EPHA3: variants seen among roughly 807,000 people sequenced by gnomAD.
EPHA3 encodes ephrin type-A receptor 3.
In EPHA3, 42 loss-of-function variants were observed where a neutral mutation model predicts 107.1. The ratio of observed to expected loss-of-function variants is 0.39; its 90% CI spans 0.31 to 0.51. The LOEUF is 0.51. Ranked by LOEUF, EPHA3 falls within the 20% of genes least tolerant of loss-of-function variation. The pLI, the probability that EPHA3 is intolerant of heterozygous loss-of-function variation, is 0.78. For missense variants in EPHA3, 1,183 were observed against 1,211.2 expected (o/e 0.98, Z 0.35); for synonymous variants, 461 against 424.8 (o/e 1.09, Z -1.05).
At chr3:89,415,332 A>AATT (rs1294725614) in intron 10 of EPHA3, among the ~76,000 whole-genome samples, 1 of 150,546 alleles carries the variant, frequency 6.6e-6, no homozygotes, top group Non-Finnish European at 1.5e-5. Context: ...CTACATTCTT[A>AATT]ATCTTAAAAA....
chr3:89,288,080 T>C (rs1292664209), intron 3 of EPHA3, among the ~76,000 whole-genome samples: 2 of 152,194 alleles, frequency 1.3e-5, no homozygotes, highest in South Asian at 2.1e-4. Context: ...TGCTTTCTGA[T>C]AAAAGATGAT....
intron 3 of EPHA3, among the ~76,000 whole-genome samples, chr3:89,298,168 A>G (rs1222054755): frequency 6.6e-6 from 1 of 152,136 alleles, no homozygotes; most frequent in South Asian, 2.1e-4. Flanking sequence ...CCTCTACTAC[A>G]TTTGGATAGT....
chr3:89,140,106 G>T lies in EPHA3; in HGVS notation c.153+12833G>T, dbSNP rs534051393. On this transcript the variant is annotated intron_variant, in intron 2 of 16. Transcript: ENST00000336596. Reference sequence around the variant, plus strand: ...TCATCACAACTTGATTTATGATCCAGAGACTGAGCTGTCACTTGACGACTA... The same window carrying T: ...TCATCACAACTTGATTTATGATCCATAGACTGAGCTGTCACTTGACGACTA... Among the ~76,000 whole-genome samples, 3 of 151,902 alleles carry T rather than the reference G, an allele frequency of 2.0e-5. No individual in the cohort carries two copies. In the South Asian group the frequency reaches 6.2e-4, roughly 32 times the overall value.
Position 89,239,337 on chromosome 3 carries a change from A to G in EPHA3, c.814+28817A>G, listed in dbSNP as rs535374011. On this transcript the variant is annotated intron_variant, in intron 3 of 16. Transcript: ENST00000336596. The stretch of plus-strand genomic sequence containing the variant: ...TTCACCAGTGATTTCATTTCTTTCC[A>G]CATTTCAAAATAACAGTTGTATAAT... Among the ~76,000 whole-genome samples, 11 of 152,332 alleles carry G rather than the reference A, an allele frequency of 7.2e-5. No individual in the cohort carries two copies. The East Asian group carries it at 1.3e-3, about 19-fold the overall frequency.
intron 1 of EPHA3, among the ~76,000 whole-genome samples, chr3:89,113,738 T>TC (rs761094323): frequency 7.1e-6 from 1 of 141,476 alleles, no homozygotes; most frequent in African/African-American, 2.6e-5. Flanking sequence ...GGGGTTGAGG[T>TC]GGGGGGGGGC....
At chr3:89,266,369 A>G (rs1476607573) in intron 3 of EPHA3, among the ~76,000 whole-genome samples, 3 of 152,128 alleles carry the variant, frequency 2.0e-5, no homozygotes, top group African/African-American at 4.8e-5. Flanking sequence ...CTATTGTTTT[A>G]TTGAAGCCAG....
intron 3 of EPHA3, among the ~76,000 whole-genome samples, chr3:89,244,537 A>T (rs968229651): frequency 6.6e-5 from 10 of 152,088 alleles, no homozygotes; most frequent in African/African-American, 1.9e-4. Flanking sequence ...ATTTTTCTGT[A>T]TTTCTGTAAT....
chr3:89,386,726 C>A (rs1383763089), intron 5 of EPHA3, among the ~76,000 whole-genome samples: 2 of 152,192 alleles, frequency 1.3e-5, no homozygotes, highest in South Asian at 2.1e-4. Flanking sequence ...GGAAAAGCCA[C>A]AAACACTCAA....
At chr3:89,475,051 T>C (rs1459150333) in intron 16 of EPHA3, among the ~76,000 whole-genome samples, 4 of 152,200 alleles carry the variant, frequency 2.6e-5, no homozygotes, top group African/African-American at 9.6e-5. Flanking sequence ...TTAACACCTT[T>C]GCCCTAACAC....
At chr3:89,325,144 T>C (rs1327695545) in intron 3 of EPHA3, among the ~76,000 whole-genome samples, 1 of 152,154 alleles carries the variant, frequency 6.6e-6, no homozygotes, top group Non-Finnish European at 1.5e-5. Context: ...GAGAATAGTA[T>C]TGTGATGAAC....
chr3:89,296,631 G>C (rs570517532), intron 3 of EPHA3, among the ~76,000 whole-genome samples: 1 of 152,256 alleles, frequency 6.6e-6, no homozygotes, highest in Non-Finnish European at 1.5e-5. Flanking sequence ...TGGATTTTCA[G>C]AATGGCAAAT....
intron 2 of EPHA3, among the ~76,000 whole-genome samples, chr3:89,199,971 G>A (rs576587681): frequency 6.6e-6 from 1 of 152,292 alleles, no homozygotes; most frequent in South Asian, 2.1e-4. Flanking sequence ...ATGCTTGGGA[G>A]GGGAAGATGA....
chr3:89,331,419 T>G (rs981088599), intron 3 of EPHA3, among the ~76,000 whole-genome samples: 1 of 152,196 alleles, frequency 6.6e-6, no homozygotes, highest in Non-Finnish European at 1.5e-5. Context: ...TATACAAATG[T>G]ATGAGAATAG....
intron 3 of EPHA3, among the ~76,000 whole-genome samples, chr3:89,316,174 A>G (rs1453720080): frequency 6.6e-6 from 1 of 151,792 alleles, no homozygotes; most frequent in Non-Finnish European, 1.5e-5. Flanking sequence ...AAGTAGGCAC[A>G]GGAGGAGAAA....
At chr3:89,475,954 T>C (rs1244607871) in intron 16 of EPHA3, among the ~76,000 whole-genome samples, 2 of 152,000 alleles carry the variant, frequency 1.3e-5, no homozygotes, top group Non-Finnish European at 2.9e-5. Flanking sequence ...CAGAAGATAT[T>C]CGGGCAAGAA....
intron 3 of EPHA3, among the ~76,000 whole-genome samples, chr3:89,236,931 G>A (rs541015063): frequency 3.3e-5 from 5 of 152,214 alleles, no homozygotes; most frequent in South Asian, 2.1e-4. Context: ...TTGTTATCAA[G>A]TGTACATTCT....
At chr3:89,404,867 C>G (rs1415559996) in intron 7 of EPHA3, among the ~76,000 whole-genome samples, 1 of 152,102 alleles carries the variant, frequency 6.6e-6, no homozygotes, top group African/African-American at 2.4e-5. Context: ...AACCTTGCTG[C>G]TTTCTATAAA....
intron 3 of EPHA3, among the ~76,000 whole-genome samples, chr3:89,223,747 T>A (rs145248930): frequency 6.6e-6 from 1 of 152,160 alleles, no homozygotes; most frequent in Non-Finnish European, 1.5e-5. Context: ...CTTATATGTG[T>A]GAATAAATTT....
chr3:89,120,938 A>T (rs754686862), intron 1 of EPHA3, among the ~76,000 whole-genome samples: 4 of 152,222 alleles, frequency 2.6e-5, no homozygotes, highest in Admixed American at 2.6e-4. Flanking sequence ...ACATGGCAGC[A>T]TTTAAAAAAT....
Sources: gnomAD v4.1 joint callset for allele counts (sites outside exome capture counted in the v4.1 genomes callset) on GRCh38, gnomAD v4.1.1 for gene constraint, MANE v1.5 for transcripts, NCBI Gene and HGNC (gene_info 2026-07-23, HGNC 2026-07-21) for gene names.